The following WASF1 variants were observed in gnomAD, a reference collection of about 807,000 sequenced individuals.
The protein encoded by WASF1 is WASP family member 1.
WASF1 carries 7 observed loss-of-function variants against 50.5 expected under a neutral mutation model. The observed-to-expected ratio is 0.14, with a 90% confidence interval of 0.08 to 0.26. The LOEUF (loss-of-function observed/expected upper bound fraction) is 0.26, where lower values mean the gene tolerates loss of function less well. Among genes scored for constraint, WASF1 ranks in the 10% least tolerant of loss-of-function variants. The probability of loss-of-function intolerance (pLI) is 1.00; values close to 1 mark genes in which losing one functional copy is unlikely to be tolerated. For synonymous variants in WASF1, 205 were observed against 244.0 expected (o/e 0.84, Z 1.49); for missense variants, 470 against 694.7 (o/e 0.68, Z 3.64).
chr6:110,130,963 T>G (rs1774639134), intron 3 of WASF1, among the ~76,000 whole-genome samples: 1 of 152,204 alleles, frequency 6.6e-6, no homozygotes, highest in Admixed American at 6.5e-5. Flanking sequence ...CCTTTTCATG[T>G]TTCTTGATCT....
rs144646903 is a variant in WASF1 at position 110,174,661 on chromosome 6, A to G, written c.-127+3937T>C. Among the ~76,000 whole-genome samples, 121 of 152,336 alleles carry G rather than the reference A, an allele frequency of 7.9e-4. 3 individuals carry two copies. The East Asian group carries it at 0.018, about 23-fold the overall frequency. On this transcript the variant is annotated intron_variant, in intron 2 of 10. Coordinates refer to ENST00000392589, the MANE Select transcript of WASF1 (RefSeq NM_003931.3). ...ATAGGGCTATGATAGCAATTAAACA[A>G]GATAAATAATAAATGTGACAGCATC... is the stretch of plus-strand genomic sequence containing the variant.
chr6:110,169,861 G>A (rs1776629245), intron 2 of WASF1, among the ~76,000 whole-genome samples: 1 of 152,116 alleles, frequency 6.6e-6, no homozygotes, highest in Non-Finnish European at 1.5e-5. Context: ...AGCATATACA[G>A]GTGCTCAAAA....
At chr6:110,101,535 G>T in intron 10 of WASF1, 53 bp downstream of exon 10, 1 of 1,527,736 alleles carries the variant, frequency 6.5e-7, no homozygotes, top group Non-Finnish European at 8.8e-7. Context: ...TAAATATTTA[G>T]AAAGTTTCCA....
intron 6 of WASF1, among the ~76,000 whole-genome samples, chr6:110,107,964 C>T (rs772277555): frequency 3.8e-4 from 57 of 151,840 alleles, no homozygotes; most frequent in Non-Finnish European, 4.1e-4. Context: ...CAGATCGAGA[C>T]CATCCTGGCT....
At chr6:110,153,288 T>C (rs12111403) in intron 3 of WASF1, among the ~76,000 whole-genome samples, 13,023 of 152,184 alleles carry the variant, frequency 0.086, 863 homozygotes, top group African/African-American at 0.19. Context: ...TAGGTGAAGA[T>C]AGGGAGCCAG....
chr6:110,176,417 C>T (rs1776932092), intron 2 of WASF1, among the ~76,000 whole-genome samples: 1 of 151,770 alleles, frequency 6.6e-6, no homozygotes, highest in South Asian at 2.1e-4. Flanking sequence ...AGACTACTAA[C>T]ATATACATTA....
At chr6:110,132,084 T>C (rs1285693521) in intron 3 of WASF1, among the ~76,000 whole-genome samples, 3 of 152,178 alleles carry the variant, frequency 2.0e-5, no homozygotes, top group South Asian at 2.1e-4. Context: ...TAATGTTTTA[T>C]AGTTTTCTAA....
rs539908980 is a variant in WASF1, at chr6:110,101,409, A to G, written c.1522+179T>C. On this transcript the variant is annotated intron_variant, in intron 10 of 10. Coordinates refer to ENST00000392589, the MANE Select transcript of WASF1 (RefSeq NM_003931.3). ...TGAAAATAAAATGGTCAAATGTGAT[A>G]TATTTTCTGGAAAATAATTTTAAAT... 7.9e-5 allele frequency among the ~76,000 whole-genome samples: 12 copies of G among 152,326 alleles called. No individual in the cohort carries two copies. The East Asian group carries it at 1.5e-3, about 20-fold the overall frequency.
intron 6 of WASF1, among the ~76,000 whole-genome samples, 186 bp from the exon 7 acceptor site, chr6:110,107,380 T>G (rs1773368425): frequency 1.3e-5 from 2 of 152,160 alleles, no homozygotes; most frequent in South Asian, 4.1e-4. Context: ...CAAAGAAAAG[T>G]GGTAAAGCAG....
intron 3 of WASF1, among the ~76,000 whole-genome samples, chr6:110,147,899 A>C (rs953474918): frequency 2.6e-5 from 4 of 152,116 alleles, no homozygotes; most frequent in Non-Finnish European, 4.4e-5. Context: ...AGGGTGTGCC[A>C]GCACACCTGG....
chr6:110,106,668 T>C (rs1319852467), intron 7 of WASF1, among the ~76,000 whole-genome samples: 6 of 152,234 alleles, frequency 3.9e-5, no homozygotes, highest in Non-Finnish European at 8.8e-5. Context: ...AACAAAATAC[T>C]AGCTTAATCT....
intron 4 of WASF1, among the ~76,000 whole-genome samples, chr6:110,119,187 T>A (rs1050027877): frequency 1.3e-5 from 2 of 151,922 alleles, no homozygotes; most frequent in Non-Finnish European, 2.9e-5. Flanking sequence ...AAGAGATAAC[T>A]AAGATCAGAG....
At chr6:110,137,244 T>C (rs1184045404) in intron 3 of WASF1, among the ~76,000 whole-genome samples, 1 of 152,206 alleles carries the variant, frequency 6.6e-6, no homozygotes, top group African/African-American at 2.4e-5. Flanking sequence ...ACTGAATTCC[T>C]TATATTTTCC....
chr6:110,140,958 G>A (rs1009261884), intron 3 of WASF1, among the ~76,000 whole-genome samples: 1 of 152,140 alleles, frequency 6.6e-6, no homozygotes, highest in Non-Finnish European at 1.5e-5. Flanking sequence ...TAGACAAAAG[G>A]ATGAATCACA....
At chr6:110,149,254 C>T (rs957460915) in intron 3 of WASF1, among the ~76,000 whole-genome samples, 4 of 151,762 alleles carry the variant, frequency 2.6e-5, no homozygotes, top group Non-Finnish European at 5.9e-5. Context: ...GGCATATGCC[C>T]GCTTTACCTA....
chr6:110,104,701 A>G (rs1773241873), intron 8 of WASF1, among the ~76,000 whole-genome samples: 1 of 152,180 alleles, frequency 6.6e-6, no homozygotes, highest in Non-Finnish European at 1.5e-5. Flanking sequence ...AGGTGGGAGA[A>G]TCGCTTGAAC....
rs191847787 is a variant in WASF1 at position 110,178,432 on chromosome 6, C to T, written c.-127+166G>A. On this transcript the variant is annotated intron_variant, in intron 2 of 10. Coordinates refer to ENST00000392589, the MANE Select transcript of WASF1 (RefSeq NM_003931.3). ...TACCATGCAAATTTAAATTTAAGAA[C>T]ATTAGACGGATTGAATAACCAATAA... is the stretch of plus-strand genomic sequence containing the variant. 2.0e-3 allele frequency among the ~76,000 whole-genome samples: 303 copies of T among 152,206 alleles called. 2 individuals are homozygous for T. The highest frequency in any genetic ancestry group is 7.1e-3 in the African/African-American group (294 of 41,530).
intron 4 of WASF1, among the ~76,000 whole-genome samples, chr6:110,115,197 T>C (rs1583937426): frequency 6.8e-6 from 1 of 147,072 alleles, no homozygotes; most frequent in Non-Finnish European, 1.5e-5. Context: ...CAGATGAGAG[T>C]GTCCTATTCC....
At chr6:110,173,739 C>A (rs79421050) in intron 2 of WASF1, among the ~76,000 whole-genome samples, 2,932 of 152,254 alleles carry the variant, frequency 0.019, 89 homozygotes, top group African/African-American at 0.067. Context: ...CCTGGCTTAT[C>A]TAGCCCACAG....
Sources: allele counts gnomAD v4.1 joint callset (sites outside exome capture counted in the v4.1 genomes callset), GRCh38; gene constraint gnomAD v4.1.1; transcripts MANE v1.5; gene names NCBI Gene and HGNC (gene_info 2026-07-23, HGNC 2026-07-21).